CWF19L2: variants seen among roughly 807,000 people sequenced by gnomAD.
The protein encoded by CWF19L2 is CWF19-like protein 2.
Under a neutral mutation model 111.7 loss-of-function variants are expected in CWF19L2, and 98 were observed. The ratio of observed to expected loss-of-function variants is 0.88; its 90% CI spans 0.75 to 1.04. The LOEUF (loss-of-function observed/expected upper bound fraction) is 1.04, where lower values mean the gene tolerates loss of function less well. Ranked by LOEUF, CWF19L2 falls within the 50% of genes least tolerant of loss-of-function variation. The pLI, the probability that CWF19L2 is intolerant of heterozygous loss-of-function variation, is 0.00. For synonymous variants in CWF19L2, 351 were observed against 342.9 expected, an observed-to-expected ratio of 1.02 and a Z score of -0.26; for missense variants, 1,101 against 1,051.4, an observed-to-expected ratio of 1.05 and a Z score of -0.65.
chr11:107,397,861 C>G (rs1178986450), intron 10 of CWF19L2, among the ~76,000 whole-genome samples: 1 of 152,178 alleles, frequency 6.6e-6, no homozygotes, highest in African/African-American at 2.4e-5. Flanking sequence ...GAAAACCCCC[C>G]GTACCAGCCC....
At chr11:107,426,649 T>A (rs1861381535) in intron 8 of CWF19L2, among the ~76,000 whole-genome samples, 1 of 151,736 alleles carries the variant, frequency 6.6e-6, no homozygotes, top group African/African-American at 2.4e-5. Flanking sequence ...AATAAAAAAA[T>A]GTAGGTACAT....
intron 10 of CWF19L2, among the ~76,000 whole-genome samples, chr11:107,415,660 C>T (rs2135397550): frequency 6.6e-6 from 1 of 152,314 alleles, no homozygotes; most frequent in East Asian, 1.9e-4. Context: ...AAAAGCAAGA[C>T]TCCTTGGTCT....
intron 8 of CWF19L2, 100 bp downstream of exon 8, chr11:107,428,699 G>C: frequency 1.1e-6 from 1 of 921,436 alleles, no homozygotes; most frequent in Non-Finnish European, 1.7e-6. Context: ...TAAGAAATGT[G>C]AGATCATAGT....
intron 10 of CWF19L2, among the ~76,000 whole-genome samples, chr11:107,412,587 C>A (rs608352): frequency 0.21 from 32,684 of 152,134 alleles, 3,644 homozygotes; most frequent in Middle Eastern, 0.29. Context: ...GCGATCTGCC[C>A]ATCTCAGCCT....
At chr11:107,447,128 A>G (rs1861712005) in intron 3 of CWF19L2, among the ~76,000 whole-genome samples, 1 of 152,214 alleles carries the variant, frequency 6.6e-6, no homozygotes, top group Non-Finnish European at 1.5e-5. Context: ...CTAGAAATAC[A>G]TACAAATTGG....
intron 12 of CWF19L2, among the ~76,000 whole-genome samples, chr11:107,387,065 A>G (rs530194896): frequency 9.0e-4 from 137 of 151,806 alleles, no homozygotes; most frequent in African/African-American, 3.2e-3. Flanking sequence ...AAAAAAAAAA[A>G]GGCTAATGCA....
chr11:107,418,259 G>C lies in CWF19L2; in HGVS notation c.1462C>G (p.Leu488Val). ...AACTTGTTCTTCTCATCAACACTCA[G>C]GATGTGAATGGACTCACGCTCTGGA... ...GSPERESIHI[L>V]SVDEKNKLGA... is the part of the protein sequence containing the mutation. The change falls in exon 9 of 18, where the codon CTG becomes GTG. Residue 488 changes from leucine to valine, a missense_variant. Coordinates refer to ENST00000282251, the MANE Select transcript of CWF19L2 (RefSeq NM_152434.3). 6.2e-7 allele frequency: 1 copy of C among 1,612,506 alleles called. No homozygotes were observed. Among genetic ancestry groups the C allele is most frequent in the Non-Finnish European group, 8.5e-7 (1 of 1,178,678 alleles).
At chr11:107,382,394 T>C (rs1860699940) in intron 12 of CWF19L2, among the ~76,000 whole-genome samples, 1 of 152,200 alleles carries the variant, frequency 6.6e-6, no homozygotes, top group Admixed American at 6.5e-5. Context: ...CTGTGGGGAC[T>C]AGGAAAGTTA....
At position 107,327,234 on chromosome 11, in the gene CWF19L2, G is replaced by A. The variant is rs551969553; in HGVS notation, c.2542-181C>T. On this transcript the variant is annotated intron_variant, in intron 17 of 17. Coordinates refer to ENST00000282251, the MANE Select transcript of CWF19L2 (RefSeq NM_152434.3). ...TCAGTTAATTCTAACTAGGCAAACC[G>A]TGTGATTCTAAGAGTCCAAGTTAGC... Among the ~76,000 whole-genome samples the A allele has an allele frequency of 7.9e-5, 12 of 152,064 alleles. No homozygotes were observed. The South Asian group carries it at 1.0e-3, about 13-fold the overall frequency.
Position 107,371,754 on chromosome 11 carries a change from T to C in CWF19L2, c.1873-18018A>G, listed in dbSNP as rs968812873. On this transcript the variant is annotated intron_variant, in intron 12 of 17. Transcript: ENST00000282251. Reference sequence around the variant, plus strand: ...AACCACAGTTCTAGATGATAAAACCTGAAGATGACAATTTCTCCGCAGCTC... The same window carrying C: ...AACCACAGTTCTAGATGATAAAACCCGAAGATGACAATTTCTCCGCAGCTC... 5.5e-4 allele frequency among the ~76,000 whole-genome samples: 75 copies of C among 137,328 alleles called. 18 individuals are homozygous for C. Among genetic ancestry groups the C allele is most frequent in the African/African-American group, 2.1e-3 (73 of 34,372 alleles). 90.1% of individuals were successfully genotyped at this position (137,328 alleles called of 152,430 possible). A position where few individuals can be genotyped will look rare whatever the true frequency, so the allele number is the denominator to read the frequency against.
chr11:107,432,889 G>A (rs1171760392), intron 7 of CWF19L2, among the ~76,000 whole-genome samples: 1 of 151,902 alleles, frequency 6.6e-6, no homozygotes, highest in Non-Finnish European at 1.5e-5. Context: ...TATCTAACAA[G>A]GGAAAGGAAA....
chr11:107,343,130 C>T (rs990052557), intron 14 of CWF19L2, among the ~76,000 whole-genome samples: 20 of 152,210 alleles, frequency 1.3e-4, no homozygotes, highest in Non-Finnish European at 2.4e-4. Flanking sequence ...CAATAGGAAA[C>T]TAGTGCAATG....
At chr11:107,339,748 C>T (rs1199343194) in intron 14 of CWF19L2, among the ~76,000 whole-genome samples, 1 of 149,106 alleles carries the variant, frequency 6.7e-6, no homozygotes, top group Non-Finnish European at 1.5e-5. Flanking sequence ...TCCCTGAAGA[C>T]TCTGCCTCCC....
chr11:107,350,087 T>G (rs1268329446), intron 13 of CWF19L2, among the ~76,000 whole-genome samples: 1 of 152,092 alleles, frequency 6.6e-6, no homozygotes, highest in Non-Finnish European at 1.5e-5. Context: ...TTTTTCCAAA[T>G]AGATACATAA....
intron 6 of CWF19L2, 55 bp downstream of exon 6, chr11:107,439,034 CG>C: frequency 3.3e-6 from 1 of 303,514 alleles, no homozygotes; most frequent in South Asian, 3.4e-5. Context: ...GACTCTGTCT[CG>C]AAAAAAAAAA....
In CWF19L2 at chr11:107,375,940, C is replaced by T. The variant is rs1452019871; in HGVS notation, c.1872+14134G>A. On this transcript the variant is annotated intron_variant, in intron 12 of 17. Coordinates refer to ENST00000282251, the MANE Select transcript of CWF19L2 (RefSeq NM_152434.3). ...AAAATGATAAAGGGGATATCACCAC[C>T]GATCCCACAGAAATACAAACTACCA... 1.2e-4 allele frequency among the ~76,000 whole-genome samples: 10 copies of T among 84,292 alleles called. No homozygotes were observed. In the East Asian group the frequency reaches 1.6e-3, roughly 14 times the overall value. 55.3% of individuals were successfully genotyped at this position (84,292 alleles called of 152,430 possible).
intron 12 of CWF19L2, among the ~76,000 whole-genome samples, chr11:107,378,526 C>T (rs1860630668): frequency 6.6e-6 from 1 of 152,060 alleles, no homozygotes; most frequent in Non-Finnish European, 1.5e-5. Context: ...AACAAAAAAC[C>T]AAACACCGCG....
chr11:107,328,698 T>G (rs1859799636), intron 17 of CWF19L2, among the ~76,000 whole-genome samples: 1 of 152,224 alleles, frequency 6.6e-6, no homozygotes, highest in Admixed American at 6.5e-5. Context: ...ATATTTTACT[T>G]CCTTTTTTCT....
intron 14 of CWF19L2, among the ~76,000 whole-genome samples, chr11:107,343,493 T>G (rs1390370087): frequency 6.6e-6 from 1 of 152,208 alleles, no homozygotes; most frequent in Non-Finnish European, 1.5e-5. Context: ...TGTGGTATTA[T>G]TACATTTGAA....
Sources: gnomAD v4.1 joint callset for allele counts (sites outside exome capture counted in the v4.1 genomes callset) on GRCh38, gnomAD v4.1.1 for gene constraint, MANE v1.5 for transcripts, NCBI Gene and HGNC (gene_info 2026-07-23, HGNC 2026-07-21) for gene names.